The following TTC28 variants were observed in gnomAD, a reference collection of about 807,000 sequenced individuals.
TTC28 encodes the protein tetratricopeptide repeat protein 28.
In TTC28, 61 loss-of-function variants were observed where a neutral mutation model predicts 198.0. That is an observed-to-expected ratio of 0.31 (90% CI 0.25 to 0.38). TTC28 has a LOEUF of 0.38. Among genes scored for constraint, TTC28 ranks in the 10% least tolerant of loss-of-function variants. The probability of loss-of-function intolerance (pLI) is 1.00; values close to 1 mark genes in which losing one functional copy is unlikely to be tolerated. For synonymous variants in TTC28, 1,171 were observed against 1,297.8 expected, an observed-to-expected ratio of 0.90 and a Z score of 2.10; for missense variants, 2,678 against 3,164.0, an observed-to-expected ratio of 0.85 and a Z score of 3.69.
chr22:28,464,067 G>A (rs1321238798), intron 2 of TTC28, among the ~76,000 whole-genome samples: 2 of 152,110 alleles, frequency 1.3e-5, no homozygotes, highest in African/African-American at 2.4e-5. Context: ...AAACTGCAAC[G>A]ACCAACAGTG....
chr22:28,510,329 T>C (rs1185808873), intron 2 of TTC28, among the ~76,000 whole-genome samples: 3 of 152,120 alleles, frequency 2.0e-5, no homozygotes, highest in African/African-American at 4.8e-5. Flanking sequence ...CACAATGAAG[T>C]TGGCTTCATC....
chr22:28,175,575 T>C (rs1923085180), intron 5 of TTC28, among the ~76,000 whole-genome samples: 1 of 151,540 alleles, frequency 6.6e-6, no homozygotes, highest in Non-Finnish European at 1.5e-5. Context: ...CTACTAAAAA[T>C]ACAAAAAATT....
intron 12 of TTC28, among the ~76,000 whole-genome samples, chr22:28,041,431 T>C (rs180790611): frequency 0.011 from 1,610 of 152,138 alleles, 22 homozygotes; most frequent in South Asian, 0.017. Context: ...TAACACCACA[T>C]ATCTACAACC....
At chr22:28,206,240 G>T (rs1320568902) in intron 5 of TTC28, among the ~76,000 whole-genome samples, 2 of 152,128 alleles carry the variant, frequency 1.3e-5, no homozygotes, top group Non-Finnish European at 2.9e-5. Context: ...TTTAAAGGAA[G>T]AAGGGAGAAA....
chr22:28,653,188 T>A (rs1163020493), intron 1 of TTC28, among the ~76,000 whole-genome samples: 3 of 152,130 alleles, frequency 2.0e-5, no homozygotes, highest in Non-Finnish European at 1.5e-5. Flanking sequence ...GCAGGTCTAC[T>A]CCCAGGAGGA....
chr22:28,592,564 G>A (rs975620990), intron 2 of TTC28, among the ~76,000 whole-genome samples: 3 of 151,972 alleles, frequency 2.0e-5, no homozygotes, highest in Non-Finnish European at 4.4e-5. Context: ...GATTGGTTAC[G>A]TCACAAGATA....
At chr22:28,391,424 T>C (rs1387952262) in intron 2 of TTC28, among the ~76,000 whole-genome samples, 3 of 152,236 alleles carry the variant, frequency 2.0e-5, no homozygotes, top group East Asian at 1.9e-4. Flanking sequence ...CTGGATGATA[T>C]CCTGCAGAGT....
At chr22:28,123,293 G>A (rs1023161037) in intron 6 of TTC28, among the ~76,000 whole-genome samples, 5 of 150,760 alleles carry the variant, frequency 3.3e-5, no homozygotes, top group East Asian at 2.0e-4. Flanking sequence ...TCTCACTCTC[G>A]TGCCCAGGCT....
intron 2 of TTC28, among the ~76,000 whole-genome samples, chr22:28,461,534 T>G (rs564051085): frequency 3.9e-4 from 59 of 152,260 alleles, no homozygotes; most frequent in Non-Finnish European, 8.1e-4. Flanking sequence ...CCTCCTGGGT[T>G]CAGGCAATTC....
intron 12 of TTC28, among the ~76,000 whole-genome samples, chr22:28,048,061 G>C (rs1313862914): frequency 2.0e-5 from 3 of 151,776 alleles, no homozygotes; most frequent in African/African-American, 7.3e-5. Context: ...GGGGCACGTA[G>C]CCATTCTTGT....
chr22:28,390,498 C>G (rs61979575), intron 2 of TTC28, among the ~76,000 whole-genome samples: 3 of 152,078 alleles, frequency 2.0e-5, no homozygotes, highest in Non-Finnish European at 2.9e-5. Context: ...GTAGGTCGCT[C>G]AGGACTTGCT....
At chr22:28,030,490 C>T in intron 12 of TTC28, 124 bp from the exon 13 acceptor site, 2 of 1,190,652 alleles carry the variant, frequency 1.7e-6, no homozygotes, top group South Asian at 1.6e-5. Context: ...CTCCAGATGA[C>T]AGCATCACCC....
chr22:28,392,870 C>CTTT (rs1245558034), intron 2 of TTC28, among the ~76,000 whole-genome samples: 27,332 of 80,676 alleles, frequency 0.34, 6,033 homozygotes, highest in Non-Finnish European at 0.37. Context: ...TTCCTCCCTC[C>CTTT]TTTTTTTTTT....
chr22:28,495,396 C>G (rs1179839991), intron 2 of TTC28, among the ~76,000 whole-genome samples: 3 of 152,068 alleles, frequency 2.0e-5, no homozygotes, highest in Non-Finnish European at 4.4e-5. Context: ...AAAAAGAAAA[C>G]AGGACAATGG....
At chr22:28,152,219 G>A (rs1015009328) in intron 6 of TTC28, among the ~76,000 whole-genome samples, 7 of 152,148 alleles carry the variant, frequency 4.6e-5, no homozygotes, top group South Asian at 2.1e-4. Flanking sequence ...AGAAAGGGCC[G>A]CTCCCTCCTG....
Position 27,996,091 on chromosome 22 carries a change from G to C in TTC28, c.5244+44C>G, listed in dbSNP as rs1937546441. On this transcript the variant is annotated intron_variant, in intron 17 of 22. Transcript: ENST00000397906. The stretch of plus-strand genomic sequence containing the variant: ...ACCCTTGCCTTCCCCTTCTCTCACA[G>C]CACTGCCAGCTCTCGTTGAGTGCAG... The C allele has an allele frequency of 2.0e-6, 3 of 1,527,350 alleles. No homozygotes were observed. The African/African-American group carries it at 4.1e-5, about 21-fold the overall frequency. 94.6% of individuals were successfully genotyped at this position (1,527,350 alleles called of 1,614,324 possible).
At chr22:28,188,899 A>G (rs1230015154) in intron 5 of TTC28, among the ~76,000 whole-genome samples, 1 of 152,224 alleles carries the variant, frequency 6.6e-6, no homozygotes, top group East Asian at 1.9e-4. Context: ...CAGAGGCACT[A>G]ATTCGTTTTT....
intron 2 of TTC28, among the ~76,000 whole-genome samples, chr22:28,393,847 C>A (rs2046773043): frequency 1.3e-5 from 2 of 152,116 alleles, no homozygotes; most frequent in African/African-American, 4.8e-5. Context: ...TGGAACAAGC[C>A]TTATTTCCTT....
In TTC28 at chr22:28,537,301, A is replaced by ATAACATAACATAACATAACATAAC. The variant is rs1569009000; in HGVS notation, c.381+92250_381+92251insGTTATGTTATGTTATGTTATGTTA. Among the ~76,000 whole-genome samples the ATAACATAACATAACATAACATAAC allele has an allele frequency of 2.6e-3, 322 of 124,140 alleles. 19 individuals are homozygous for ATAACATAACATAACATAACATAAC. Among genetic ancestry groups the ATAACATAACATAACATAACATAAC allele is most frequent in the South Asian group, 0.014 (59 of 4,310 alleles). 81.4% of individuals were successfully genotyped at this position (124,140 alleles called of 152,430 possible). ...GAGCCAGACTCCGTCTCAAAAATAA[A>ATAACATAACATAACATAACATAAC]ATAAAATAAAATAAAATAAAATAAA... On this transcript the variant is annotated intron_variant, in intron 2 of 22. Transcript: ENST00000397906.
Sources: allele counts gnomAD v4.1 joint callset (sites outside exome capture counted in the v4.1 genomes callset), GRCh38; gene constraint gnomAD v4.1.1; transcripts MANE v1.5; gene names NCBI Gene and HGNC (gene_info 2026-07-23, HGNC 2026-07-21).